DPP10: variants seen among roughly 807,000 people sequenced by gnomAD.
DPP10 encodes inactive dipeptidyl peptidase 10.
In DPP10, 33 loss-of-function variants were observed where a neutral mutation model predicts 120.9. The observed-to-expected ratio is 0.27, with a 90% CI of 0.21 to 0.37. The LOEUF is 0.37. Among genes scored for constraint, DPP10 ranks in the 10% least tolerant of loss-of-function variants. The pLI, the probability that DPP10 is intolerant of heterozygous loss-of-function variation, is 1.00. For missense variants in DPP10, 816 were observed against 942.8 expected (o/e 0.87, Z 1.76); for synonymous variants, 337 against 326.1 (o/e 1.03, Z -0.36).
intron 3 of DPP10, among the ~76,000 whole-genome samples, chr2:115,369,474 C>G (rs910310699): frequency 7.2e-5 from 11 of 151,980 alleles, no homozygotes; most frequent in Non-Finnish European, 2.9e-5. Context: ...TATTAAATGC[C>G]TGTCCTGTGC....
intron 1 of DPP10, among the ~76,000 whole-genome samples, chr2:114,573,783 G>A (rs2105032793): frequency 1.3e-5 from 2 of 152,234 alleles, no homozygotes; most frequent in East Asian, 3.9e-4. Flanking sequence ...TTGATAGGAT[G>A]GGAACAATGA....
intron 1 of DPP10, among the ~76,000 whole-genome samples, chr2:114,507,457 T>C (rs952087313): frequency 6.6e-6 from 1 of 152,218 alleles, no homozygotes; most frequent in African/African-American, 2.4e-5. Flanking sequence ...GTGGTTATAG[T>C]TCACATAATA....
At chr2:114,970,187 T>A (rs1699302697) in intron 1 of DPP10, among the ~76,000 whole-genome samples, 1 of 152,092 alleles carries the variant, frequency 6.6e-6, no homozygotes, top group Non-Finnish European at 1.5e-5. Flanking sequence ...GCAGGCTTAG[T>A]TATGGCCTTA....
intron 1 of DPP10, among the ~76,000 whole-genome samples, chr2:115,220,904 CAT>C (rs1219260883): frequency 2.0e-5 from 3 of 149,012 alleles, no homozygotes; most frequent in African/African-American, 4.9e-5. Flanking sequence ...ATTCATATAT[CAT>C]ATTTATTTTT....
intron 3 of DPP10, among the ~76,000 whole-genome samples, chr2:115,433,472 T>C (rs2071200075): frequency 6.6e-6 from 1 of 152,018 alleles, no homozygotes. Context: ...TGTGTGCATA[T>C]ACATATAAAA....
chr2:114,850,110 T>C (rs1279196312), intron 1 of DPP10, among the ~76,000 whole-genome samples: 1 of 150,330 alleles, frequency 6.7e-6, no homozygotes, highest in Non-Finnish European at 1.5e-5. Context: ...GGACTTGAAC[T>C]TCTGGGCTCA....
chr2:115,233,531 A>C (rs766648943), intron 1 of DPP10, among the ~76,000 whole-genome samples: 1 of 152,050 alleles, frequency 6.6e-6, no homozygotes, highest in Non-Finnish European at 1.5e-5. Context: ...TTCTTTTCCC[A>C]TCGCCTTCAT....
rs1412934255 is a variant in DPP10, at chr2:115,083,509, T to A, written c.61-225730T>A. ...AAACCTGGCATAACACATGCCTCCC[T>A]CCTCATTATATTTGTGTCCACTCTG... is the stretch of plus-strand genomic sequence containing the variant. On this transcript the variant is annotated intron_variant, in intron 1 of 25. Coordinates refer to ENST00000410059, the MANE Select transcript of DPP10 (RefSeq NM_020868.6). Among the ~76,000 whole-genome samples, 4 of 152,258 alleles carry A rather than the reference T, an allele frequency of 2.6e-5. No individual in the cohort carries two copies. In the East Asian group the frequency reaches 7.7e-4, roughly 29 times the overall value.
intron 5 of DPP10, among the ~76,000 whole-genome samples, chr2:115,564,839 A>G (rs1451927421): frequency 6.6e-6 from 1 of 152,180 alleles, no homozygotes; most frequent in Admixed American, 6.5e-5. Flanking sequence ...TCTTTTATTG[A>G]TAGAAGAATC....
At chr2:115,628,283 T>A (rs1028664102) in intron 5 of DPP10, among the ~76,000 whole-genome samples, 1 of 152,224 alleles carries the variant, frequency 6.6e-6, no homozygotes, top group African/African-American at 2.4e-5. Context: ...TGTTGAGCTT[T>A]TTTTCATGCT....
At chr2:115,211,738 A>G (rs2056528794) in intron 1 of DPP10, among the ~76,000 whole-genome samples, 1 of 152,174 alleles carries the variant, frequency 6.6e-6, no homozygotes, top group Admixed American at 6.6e-5. Flanking sequence ...TGTTTTGTCC[A>G]TATATTGTTT....
At chr2:115,615,555 A>G (rs2084429754) in intron 5 of DPP10, among the ~76,000 whole-genome samples, 1 of 152,210 alleles carries the variant, frequency 6.6e-6, no homozygotes, top group Admixed American at 6.5e-5. Flanking sequence ...AGACACAAGC[A>G]GAATCATTTT....
intron 1 of DPP10, among the ~76,000 whole-genome samples, chr2:114,665,813 C>T (rs1697880004): frequency 6.6e-6 from 1 of 152,102 alleles, no homozygotes; most frequent in Admixed American, 6.6e-5. Flanking sequence ...ATAGAAATTA[C>T]TGTGCTTCAT....
At chr2:115,522,334 A>G (rs1373223219) in intron 4 of DPP10, among the ~76,000 whole-genome samples, 1 of 152,180 alleles carries the variant, frequency 6.6e-6, no homozygotes, top group Non-Finnish European at 1.5e-5. Flanking sequence ...GGTTCATGAC[A>G]TGCATCTTAT....
intron 1 of DPP10, among the ~76,000 whole-genome samples, chr2:114,579,884 C>A (rs1452815734): frequency 2.0e-5 from 3 of 152,102 alleles, no homozygotes; most frequent in Non-Finnish European, 4.4e-5. Flanking sequence ...TGGAGGAGTG[C>A]ACCTATCAGT....
At chr2:115,175,178 G>A (rs1169730383) in intron 1 of DPP10, among the ~76,000 whole-genome samples, 1 of 152,136 alleles carries the variant, frequency 6.6e-6, no homozygotes, top group Admixed American at 6.6e-5. Context: ...CTTGTGACTC[G>A]CATCTGTGAC....
intron 3 of DPP10, among the ~76,000 whole-genome samples, chr2:115,390,381 G>A (rs1237818676): frequency 1.3e-5 from 2 of 152,222 alleles, no homozygotes; most frequent in South Asian, 4.1e-4. Flanking sequence ...ACGAGAGATG[G>A]CATTTCTGTT....
At chr2:115,239,444 A>G (rs1391862079) in intron 1 of DPP10, among the ~76,000 whole-genome samples, 3 of 152,198 alleles carry the variant, frequency 2.0e-5, no homozygotes, top group Non-Finnish European at 2.9e-5. Flanking sequence ...AGCTAGTAAT[A>G]GCAAGGCAAG....
chr2:114,909,897 A>G (rs562030789), intron 1 of DPP10, among the ~76,000 whole-genome samples: 1 of 152,114 alleles, frequency 6.6e-6, no homozygotes, highest in African/African-American at 2.4e-5. Context: ...ATAAGCCGCT[A>G]TAAGCAAAAG....
Sources: allele counts gnomAD v4.1 joint callset (sites outside exome capture counted in the v4.1 genomes callset), GRCh38; gene constraint gnomAD v4.1.1; transcripts MANE v1.5; gene names NCBI Gene and HGNC (gene_info 2026-07-23, HGNC 2026-07-21).